Variants in GALNTL6 observed in about 807,000 individuals in gnomAD.
The protein encoded by GALNTL6 is polypeptide N-acetylgalactosaminyltransferase-like 6.
GALNTL6 carries 46 observed loss-of-function variants against 73.7 expected under a neutral mutation model. That is an observed-to-expected ratio of 0.62 (90% CI 0.49 to 0.80). The LOEUF is 0.80. Ranked by LOEUF, GALNTL6 falls within the 30% of genes least tolerant of loss-of-function variation. The probability of loss-of-function intolerance (pLI) is 0.00; values close to 1 mark genes in which losing one functional copy is unlikely to be tolerated. For missense variants in GALNTL6, 604 were observed against 755.0 expected (o/e 0.80, Z 2.34); for synonymous variants, 259 against 263.7 (o/e 0.98, Z 0.17).
chr4:171,902,392 C>T (rs1457456127), intron 2 of GALNTL6, among the ~76,000 whole-genome samples: 2 of 152,182 alleles, frequency 1.3e-5, no homozygotes, highest in Admixed American at 6.5e-5. Context: ...ATTTCATCAT[C>T]TTCAAGAGCA....
At chr4:172,912,974 C>T (rs529016952) in intron 8 of GALNTL6, among the ~76,000 whole-genome samples, 2 of 152,084 alleles carry the variant, frequency 1.3e-5, no homozygotes, top group Non-Finnish European at 2.9e-5. Context: ...CAGTAGGGGC[C>T]GACTGACACC....
chr4:172,490,152 A>T (rs1733845655), intron 5 of GALNTL6, among the ~76,000 whole-genome samples: 1 of 152,190 alleles, frequency 6.6e-6, no homozygotes, highest in Admixed American at 6.5e-5. Flanking sequence ...ATGGTTTCCC[A>T]CTGAGAGAGA....
At chr4:172,529,897 T>TTATC (rs950733202) in intron 5 of GALNTL6, among the ~76,000 whole-genome samples, 1 of 149,910 alleles carries the variant, frequency 6.7e-6, no homozygotes, top group African/African-American at 2.5e-5. Context: ...ATTTATTTAT[T>TTATC]TATCTATTTA....
intron 5 of GALNTL6, among the ~76,000 whole-genome samples, chr4:172,602,824 C>T (rs1033707615): frequency 6.6e-6 from 1 of 152,098 alleles, no homozygotes; most frequent in Non-Finnish European, 1.5e-5. Context: ...AAACTGGAGA[C>T]AATCCAATGG....
At chr4:172,600,535 A>G (rs1000657335) in intron 5 of GALNTL6, among the ~76,000 whole-genome samples, 1 of 152,284 alleles carries the variant, frequency 6.6e-6, no homozygotes, top group Non-Finnish European at 1.5e-5. Context: ...AATCTCCAAA[A>G]TCTACACAGG....
intron 4 of GALNTL6, among the ~76,000 whole-genome samples, chr4:172,333,261 C>T (rs577923400): frequency 1.3e-5 from 2 of 152,100 alleles, no homozygotes; most frequent in African/African-American, 2.4e-5. Flanking sequence ...CAAAATTAGC[C>T]AGGCATGGTG....
At chr4:171,883,789 A>G (rs570132490) in intron 2 of GALNTL6, among the ~76,000 whole-genome samples, 4 of 151,832 alleles carry the variant, frequency 2.6e-5, no homozygotes, top group Admixed American at 6.6e-5. Flanking sequence ...CTGGGACTAC[A>G]GGCGCCTGCC....
chr4:171,884,828 G>C (rs1736562554), intron 2 of GALNTL6, among the ~76,000 whole-genome samples: 1 of 152,080 alleles, frequency 6.6e-6, no homozygotes, highest in Non-Finnish European at 1.5e-5. Flanking sequence ...GGCTGAGGCA[G>C]GCTGATCATC....
In GALNTL6 at chr4:172,194,926, G is replaced by C. The variant is rs115700784; in HGVS notation, c.139-34730G>C. Among the ~76,000 whole-genome samples, 232 of 152,184 alleles carry C rather than the reference G, an allele frequency of 1.5e-3. 1 individual carries two copies. Among genetic ancestry groups the C allele is most frequent in the African/African-American group, 5.3e-3 (221 of 41,514 alleles). On this transcript the variant is annotated intron_variant, in intron 2 of 12. Transcript: ENST00000506823. ...TAGCCAGCTAGTATCATGATGACAG[G>C]ATCAAATTTATGCATAATAATATTA...
At chr4:172,599,719 C>T (rs979032854) in intron 5 of GALNTL6, among the ~76,000 whole-genome samples, 1 of 152,068 alleles carries the variant, frequency 6.6e-6, no homozygotes, top group Non-Finnish European at 1.5e-5. Context: ...ACGTCTGAGC[C>T]ATGACATCAC....
intron 3 of GALNTL6, among the ~76,000 whole-genome samples, chr4:172,259,777 T>C (rs1228449109): frequency 1.3e-5 from 2 of 151,734 alleles, no homozygotes; most frequent in Non-Finnish European, 3.0e-5. Flanking sequence ...CTTGAGTAGA[T>C]TTTTGTATAA....
intron 2 of GALNTL6, among the ~76,000 whole-genome samples, chr4:172,093,025 C>T (rs755854744): frequency 2.0e-5 from 3 of 151,858 alleles, no homozygotes; most frequent in African/African-American, 7.3e-5. Flanking sequence ...AGGCGCCCAC[C>T]ACCACGCCTG....
chr4:172,100,530 T>C (rs1732480522), intron 2 of GALNTL6, among the ~76,000 whole-genome samples: 1 of 152,198 alleles, frequency 6.6e-6, no homozygotes, highest in Admixed American at 6.6e-5. Context: ...ATATAATCAT[T>C]ATGCCAAAAG....
At chr4:172,962,508 G>A (rs182052319) in intron 10 of GALNTL6, among the ~76,000 whole-genome samples, 26 of 152,080 alleles carry the variant, frequency 1.7e-4, no homozygotes, top group East Asian at 1.4e-3. Context: ...CAGAATGGGC[G>A]GAGTTCCTAA....
chr4:172,024,186 C>T (rs1480045955), intron 2 of GALNTL6, among the ~76,000 whole-genome samples: 1 of 151,734 alleles, frequency 6.6e-6, no homozygotes, highest in Non-Finnish European at 1.5e-5. Context: ...TTCCATTGAA[C>T]TTTGTTGTAG....
chr4:172,912,176 C>T (rs1461566583), intron 8 of GALNTL6, among the ~76,000 whole-genome samples: 3 of 152,148 alleles, frequency 2.0e-5, no homozygotes, highest in African/African-American at 4.8e-5. Context: ...CACCCAAAAC[C>T]AAATAACAAT....
At chr4:173,008,557 A>G (rs1415055247) in intron 10 of GALNTL6, among the ~76,000 whole-genome samples, 1 of 152,218 alleles carries the variant, frequency 6.6e-6, no homozygotes, top group Non-Finnish European at 1.5e-5. Flanking sequence ...GTTTAATTAT[A>G]GGGCCGCTAA....
intron 3 of GALNTL6, among the ~76,000 whole-genome samples, chr4:172,253,059 A>C (rs1737937772): frequency 6.6e-6 from 1 of 152,048 alleles, no homozygotes; most frequent in Non-Finnish European, 1.5e-5. Context: ...TTGTATGATC[A>C]TAAAAGTCTA....
chr4:172,604,267 C>T (rs1435441514), intron 5 of GALNTL6, among the ~76,000 whole-genome samples: 1 of 152,056 alleles, frequency 6.6e-6, no homozygotes, highest in Non-Finnish European at 1.5e-5. Context: ...AATATATGTA[C>T]TTATGAGTAT....
Sources: gnomAD v4.1 joint callset for allele counts (sites outside exome capture counted in the v4.1 genomes callset) on GRCh38, gnomAD v4.1.1 for gene constraint, MANE v1.5 for transcripts, NCBI Gene and HGNC (gene_info 2026-07-23, HGNC 2026-07-21) for gene names.